AFAP1L2: variants seen among roughly 807,000 people sequenced by gnomAD.
AFAP1L2 encodes the protein actin filament-associated protein 1-like 2.
Under a neutral mutation model 99.3 loss-of-function variants are expected in AFAP1L2, and 46 were observed. That is an observed-to-expected ratio of 0.46 (90% CI 0.37 to 0.59). The LOEUF is 0.59. Among genes scored for constraint, AFAP1L2 ranks in the 20% least tolerant of loss-of-function variants. The pLI, the probability that AFAP1L2 is intolerant of heterozygous loss-of-function variation, is 0.00. For missense variants in AFAP1L2, 959 were observed against 1,034.9 expected (o/e 0.93, Z 1.01); for synonymous variants, 397 against 419.1 (o/e 0.95, Z 0.64).
At chr10:114,361,690 G>A (rs1292431148) in intron 1 of AFAP1L2, among the ~76,000 whole-genome samples, 1 of 152,134 alleles carries the variant, frequency 6.6e-6, no homozygotes, top group Non-Finnish European at 1.5e-5. Flanking sequence ...CTACATCGTT[G>A]TGCTTCCCAC....
At chr10:114,358,358 G>C (rs575972829) in intron 1 of AFAP1L2, among the ~76,000 whole-genome samples, 81 of 152,240 alleles carry the variant, frequency 5.3e-4, no homozygotes, top group Admixed American at 2.6e-3. Flanking sequence ...TCAGCCAAAT[G>C]ATGACAAAGG....
intron 1 of AFAP1L2, among the ~76,000 whole-genome samples, chr10:114,402,876 A>G (rs1295557457): frequency 6.6e-6 from 1 of 152,082 alleles, no homozygotes; most frequent in Non-Finnish European, 1.5e-5. Flanking sequence ...CCAGCTTTGC[A>G]AGTCAGGGAG....
chr10:114,300,816 G>T, intron 13 of AFAP1L2, 126 bp from the exon 14 acceptor site: 1 of 1,321,836 alleles, frequency 7.6e-7, no homozygotes, highest in Non-Finnish European at 1.0e-6. Context: ...CTCCCTCCCT[G>T]CTGGGGGGGC....
At chr10:114,367,204 C>A (rs2053407060) in intron 1 of AFAP1L2, among the ~76,000 whole-genome samples, 1 of 152,116 alleles carries the variant, frequency 6.6e-6, no homozygotes, top group African/African-American at 2.4e-5. Context: ...GTAACAGGAG[C>A]CTTCTTGACA....
intron 5 of AFAP1L2, among the ~76,000 whole-genome samples, chr10:114,319,992 T>G (rs4918897): frequency 0.68 from 102,942 of 152,022 alleles, 36,124 homozygotes; most frequent in East Asian, 0.92. Flanking sequence ...GGATTTTGCG[T>G]CCCTCGAGGG....
intron 1 of AFAP1L2, among the ~76,000 whole-genome samples, chr10:114,396,098 T>C (rs1000328399): frequency 1.3e-5 from 2 of 152,152 alleles, no homozygotes; most frequent in Non-Finnish European, 2.9e-5. Context: ...TGTTTGTGAT[T>C]TTAAAAAGTT....
chr10:114,296,277 A>G (rs945842936), intron 18 of AFAP1L2: 15 of 607,638 alleles, frequency 2.5e-5, no homozygotes, highest in African/African-American at 1.8e-4. Flanking sequence ...AGTGCCTATA[A>G]GTGATGTCTC....
chr10:114,288,337 T>C, the AFAP1L2 span, among the ~76,000 whole-genome samples: 2 of 152,244 alleles, frequency 1.3e-5, no homozygotes, highest in African/African-American at 4.8e-5. Flanking sequence ...TCATTTCATG[T>C]CTGTTCCCCT....
chr10:114,296,801 T>G (rs1380091581), intron 18 of AFAP1L2, 177 bp downstream of exon 18: 1 of 1,017,868 alleles, frequency 9.8e-7, no homozygotes, highest in African/African-American at 1.6e-5. Context: ...TTCTGGTTGG[T>G]CAGTGCCAGA....
chr10:114,395,677 A>T (rs2057626645), intron 1 of AFAP1L2, among the ~76,000 whole-genome samples: 1 of 152,220 alleles, frequency 6.6e-6, no homozygotes, highest in Non-Finnish European at 1.5e-5. Flanking sequence ...TTGGGCTAAC[A>T]AGAAGGCTAA....
rs150845724 is a variant in AFAP1L2 at position 114,351,187 on chromosome 10, T to C, written c.17-10456A>G. 2.0e-5 allele frequency among the ~76,000 whole-genome samples: 3 copies of C among 152,204 alleles called. No homozygotes were observed. The East Asian group carries it at 5.8e-4, about 29-fold the overall frequency. On this transcript the variant is annotated intron_variant, in intron 1 of 18. Coordinates refer to ENST00000304129, the MANE Select transcript of AFAP1L2 (RefSeq NM_001001936.3). ...GAAAATGATAACAGCAATTATCTTT[T>C]GGTGGAGGGGCTATGGGAAATTTTC...
chr10:114,349,351 C>T (rs1012275756), intron 1 of AFAP1L2, among the ~76,000 whole-genome samples: 1 of 145,292 alleles, frequency 6.9e-6, no homozygotes, highest in Non-Finnish European at 1.5e-5. Context: ...GCTCTCCACT[C>T]CAGCATGGGC....
At chr10:114,299,631 A>C (rs1309844840) in intron 15 of AFAP1L2, among the ~76,000 whole-genome samples, 1 of 152,186 alleles carries the variant, frequency 6.6e-6, no homozygotes, top group East Asian at 1.9e-4. Flanking sequence ...ACTTGATTGG[A>C]TTGAAGGATG....
At chr10:114,400,577 T>A (rs1487306674) in intron 1 of AFAP1L2, among the ~76,000 whole-genome samples, 2 of 152,166 alleles carry the variant, frequency 1.3e-5, no homozygotes. Context: ...TTACAAGATT[T>A]GGTTAAGGCA....
chr10:114,327,463 A>G (rs1180818821), intron 4 of AFAP1L2, among the ~76,000 whole-genome samples: 1 of 151,952 alleles, frequency 6.6e-6, no homozygotes, highest in African/African-American at 2.4e-5. Flanking sequence ...AAGATCCAGA[A>G]GAGATTTAAC....
At chr10:114,317,840 A>G (rs1286097375) in intron 5 of AFAP1L2, among the ~76,000 whole-genome samples, 1 of 152,258 alleles carries the variant, frequency 6.6e-6, no homozygotes, top group Non-Finnish European at 1.5e-5. Flanking sequence ...AGCCTGCGCA[A>G]CAGAGTGAGA....
chr10:114,315,512 T>TCCC (rs61324487), intron 6 of AFAP1L2, 48 bp downstream of exon 6: 18,410 of 1,595,908 alleles, frequency 0.012, 120 homozygotes, highest in Non-Finnish European at 0.013. Flanking sequence ...CCCTGCCCCT[T>TCCC]CCCCAAGGAG....
intron 14 of AFAP1L2, 39 bp from the exon 15 acceptor site, chr10:114,300,401 G>C: frequency 6.2e-7 from 1 of 1,609,864 alleles, no homozygotes; most frequent in Non-Finnish European, 8.5e-7. Context: ...TGGCTGAAGG[G>C]GCGCAGGAAG....
At chr10:114,307,140 T>C (rs904705231) in intron 10 of AFAP1L2, among the ~76,000 whole-genome samples, 3 of 152,064 alleles carry the variant, frequency 2.0e-5, no homozygotes, top group African/African-American at 7.2e-5. Flanking sequence ...TTTCCCTGAG[T>C]ATGAGCTAAG....
Sources: allele counts gnomAD v4.1 joint callset (sites outside exome capture counted in the v4.1 genomes callset), GRCh38; gene constraint gnomAD v4.1.1; transcripts MANE v1.5; gene names NCBI Gene and HGNC (gene_info 2026-07-23, HGNC 2026-07-21).